Variants in SNAI3 observed in about 807,000 individuals in gnomAD.
The protein encoded by SNAI3 is zinc finger protein SNAI3.
SNAI3 carries 21 observed loss-of-function variants against 16.4 expected under a neutral mutation model. The ratio of observed to expected loss-of-function variants is 1.28; its 90% CI spans 0.91 to 1.85. The LOEUF is 1.85. Among genes scored for constraint, SNAI3 ranks in the 40% most tolerant of loss-of-function variants. The pLI, the probability that SNAI3 is intolerant of heterozygous loss-of-function variation, is 0.00. For missense variants in SNAI3, 457 were observed against 372.8 expected, an observed-to-expected ratio of 1.23 and a Z score of -1.86; for synonymous variants, 202 against 166.6, an observed-to-expected ratio of 1.21 and a Z score of -1.64.
rs1276471285 is a variant in SNAI3 at position 88,681,164 on chromosome 16, G to A, written c.627C>T (p.Cys209=). 3.1e-6 allele frequency: 5 copies of A among 1,613,754 alleles called. No individual in the cohort carries two copies. Among genetic ancestry groups the A allele is most frequent in the South Asian group, 1.1e-5 (1 of 91,080 alleles). Residue 209 remains cysteine (C), a synonymous_variant, in exon 2 of 3, where the codon TGC becomes TGT. Transcript: ENST00000332281. The surrounding 1 kb of genome is among the most constrained non-coding windows in gnomAD (Gnocchi z 5.4). ...AGGCCTTGCCACAGATCTTGCAGGT[G>A]CAGGGCAGCGTGTGAGTGCGGATGT... ...KMHIRTHTLP[C]TCKICGKAFS...
Position 88,681,296 on chromosome 16 carries a change from G to C in SNAI3, c.495C>G (p.Ala165=), listed in dbSNP as rs748615467. The C allele has an allele frequency of 6.2e-7, 1 of 1,613,306 alleles. No individual in the cohort carries two copies. The highest frequency in any genetic ancestry group is 8.5e-7 in the Non-Finnish European group (1 of 1,179,904). ...FHCHKPYHTL[A]GLARHRQLHC... ...GCAGCTGCCGGTGCCTGGCCAGCCC[G>C]GCCAGCGTGTGGTAGGGTTTGTGGC... The change falls in exon 2 of 3, where the codon GCC becomes GCG. Residue 165 remains alanine, a synonymous_variant. Transcript: ENST00000332281. This position sits in a 1 kb window ranked among gnomAD's most constrained non-coding sequence, Gnocchi z 5.4.
At position 88,681,547 on chromosome 16, in the gene SNAI3, C is replaced by G; in HGVS notation, c.244G>C (p.Ala82Pro). The G allele has an allele frequency of 6.6e-7, 1 of 1,513,362 alleles. No individual in the cohort carries two copies. The highest frequency in any genetic ancestry group is 2.3e-5 in the East Asian group (1 of 43,786). The allele number at this position is 1,513,362 out of a possible 1,614,324, so 93.7% of individuals were successfully genotyped here. The change falls in exon 2 of 3, where the codon GCC becomes CCC. Residue 82 changes from alanine (A) to proline (P), a missense_variant. Transcript: ENST00000332281. The surrounding 1 kb of genome is among the most constrained non-coding windows in gnomAD (Gnocchi z 5.4). ...LLPRIEEALGASGLDALEVSE... is the reference protein window; with the variant it reads ...LLPRIEEALGPSGLDALEVSE... ...ACTTCCAAGGCGTCCAGCCCAGAGG[C>G]CCCCAGAGCTTCCTCGATCCGTGGC...
Position 88,681,113 on chromosome 16 carries a change from G to A in SNAI3, c.678C>T (p.Gly226=), listed in dbSNP as rs778968766. The change falls in exon 2 of 3, where the codon GGC becomes GGT. Residue 226 remains glycine, a synonymous_variant. Transcript: ENST00000332281. This position sits in a 1 kb window ranked among gnomAD's most constrained non-coding sequence, Gnocchi z 5.4. ...TCCTACCTGTGTGGGTGCGGACATG[G>A]CCCTGCAGTAACCAGGGCCTGGAGA... ...KAFSRPWLLQ[G]HVRTHTGEKP... 3 of 1,612,838 alleles carry A rather than the reference G, an allele frequency of 1.9e-6. No homozygotes were observed. The highest frequency in any genetic ancestry group is 1.1e-5 in the South Asian group (1 of 91,048).
At chr16:88,679,106 T>G in intron 2 of SNAI3, 1 of 985,224 alleles carries the variant, frequency 1.0e-6, no homozygotes, top group Non-Finnish European at 1.2e-6. Flanking sequence ...TGACTGGGAA[T>G]CGTTTGTTCA....
chr16:88,678,302 G>A lies in SNAI3; in HGVS notation c.*146C>T, dbSNP rs1342809311. ...CCAGTGGCCCCCGCTGGACTTCTTT[G>A]GTTCTGATTGGACGCAGATGTGGAG... On this transcript the variant is annotated 3_prime_UTR_variant, in exon 3 of 3. Transcript: ENST00000332281. The A allele has an allele frequency of 8.5e-6, 5 of 587,142 alleles. No homozygotes were observed. Among genetic ancestry groups the A allele is most frequent in the African/African-American group, 1.9e-5 (1 of 53,258 alleles). The allele number at this position is 587,142 out of a possible 1,614,324, so 36.4% of individuals were successfully genotyped here. A position where few individuals can be genotyped will look rare whatever the true frequency, so the allele number is the denominator to read the frequency against.
chr16:88,679,606 C>CA (rs950286535), intron 2 of SNAI3, among the ~76,000 whole-genome samples: 5 of 149,528 alleles, frequency 3.3e-5, no homozygotes, highest in East Asian at 2.0e-4. Flanking sequence ...ACTAAAAACA[C>CA]AAAAAATCAG....
Position 88,681,325 on chromosome 16 carries a change from G to C in SNAI3, c.466C>G (p.His156Asp), listed in dbSNP as rs1410386432. 6.2e-7 allele frequency: 1 copy of C among 1,612,998 alleles called. No homozygotes were observed. Among genetic ancestry groups the C allele is most frequent in the African/African-American group, 1.3e-5 (1 of 74,938 alleles). ...PRAPGGFECF[H>D]CHKPYHTLAG... Reference sequence around the variant, plus strand: ...AGCGTGTGGTAGGGTTTGTGGCAGTGGAAGCACTCAAAGCCGCCCGGGGCT... The same window carrying C: ...AGCGTGTGGTAGGGTTTGTGGCAGTCGAAGCACTCAAAGCCGCCCGGGGCT... The change falls in exon 2 of 3, where the codon CAC becomes GAC. Residue 156 changes from histidine (H) to aspartate (D), a missense_variant. Transcript: ENST00000332281. The surrounding 1 kb of genome is among the most constrained non-coding windows in gnomAD (Gnocchi z 5.4).
In SNAI3 at chr16:88,681,180, G is replaced by A. The variant is rs557914224; in HGVS notation, c.611C>T (p.Thr204Ile). The A allele has an allele frequency of 5.6e-6, 9 of 1,613,900 alleles. No individual in the cohort carries two copies. The African/African-American group carries it at 6.7e-5, about 12-fold the overall frequency. ...SLGALKMHIR[T>I]HTLPCTCKIC... is the part of the protein sequence containing the mutation. ...CTTGCAGGTGCAGGGCAGCGTGTGA[G>A]TGCGGATGTGCATCTTGAGGGCACC... is the stretch of plus-strand genomic sequence containing the variant. Residue 204 changes from threonine to isoleucine, a missense_variant, in exon 2 of 3, where the codon ACT becomes ATT. Coordinates refer to ENST00000332281, the MANE Select transcript of SNAI3 (RefSeq NM_178310.4). The surrounding 1 kb of genome is among the most constrained non-coding windows in gnomAD (Gnocchi z 5.4).
intron 2 of SNAI3, among the ~76,000 whole-genome samples, chr16:88,679,496 T>TCA (rs774137324): frequency 3.6e-4 from 55 of 152,108 alleles, no homozygotes; most frequent in Non-Finnish European, 6.8e-4. Context: ...GCGCAGTGGC[T>TCA]CACACCTGTA....
intron 2 of SNAI3, among the ~76,000 whole-genome samples, chr16:88,679,880 G>C (rs1317399765): frequency 6.6e-6 from 1 of 151,704 alleles, no homozygotes; most frequent in Non-Finnish European, 1.5e-5. Context: ...AGAAGTTCAA[G>C]ACCAGCCTGG....
chr16:88,678,621 G>C lies in SNAI3; in HGVS notation c.706C>G (p.Pro236Ala), dbSNP rs779440628. The C allele has an allele frequency of 7.8e-7, 1 of 1,282,652 alleles. No homozygotes were observed. Among genetic ancestry groups the C allele is most frequent in the Non-Finnish European group, 1.1e-6 (1 of 883,050 alleles). The allele number at this position is 1,282,652 out of a possible 1,614,324, so 79.5% of individuals were successfully genotyped here. A position where few individuals can be genotyped will look rare whatever the true frequency, so the allele number is the denominator to read the frequency against. Residue 236 changes from proline (P) to alanine (A), a missense_variant, in exon 3 of 3, where the codon CCC (proline) becomes GCC (alanine). By Grantham distance (27) the Pro-to-Ala change is conservative. Transcript: ENST00000332281. ...GHVRTHTGEK[P>A]YACSHCSRAF... The stretch of plus-strand genomic sequence containing the variant: ...CTGCTGCAGTGCGAGCAGGCATAGG[G>C]CTTCTCCCCTGTGGGAGGAAGGCGG...
At chr16:88,679,563 C>T (rs1197832766) in intron 2 of SNAI3, among the ~76,000 whole-genome samples, 1 of 104,500 alleles carries the variant, frequency 9.6e-6, no homozygotes, top group Non-Finnish European at 2.0e-5. Context: ...AGATCGAGAC[C>T]ATCCTGGCTA....
In SNAI3 at chr16:88,678,101, C is replaced by T. The variant is rs72811438; in HGVS notation, c.*347G>A. 14,535 of 248,512 alleles carry T rather than the reference C, an allele frequency of 0.058. 557 individuals are homozygous for T. Among genetic ancestry groups the T allele is most frequent in the Admixed American group, 0.088 (1,664 of 19,008 alleles). 15.4% of individuals were successfully genotyped at this position (248,512 alleles called of 1,614,324 possible). On this transcript the variant is annotated 3_prime_UTR_variant, in exon 3 of 3. Coordinates refer to ENST00000332281, the MANE Select transcript of SNAI3 (RefSeq NM_178310.4). ...CTTGCCAGCCATCCGGCGGCAGTGCCGGCCCATGCTGGCGGCCACCTCCCC... is the reference window on the plus strand; with the variant it reads ...CTTGCCAGCCATCCGGCGGCAGTGCTGGCCCATGCTGGCGGCCACCTCCCC...
rs575285841 is a variant in SNAI3 at position 88,684,931 on chromosome 16, G to A, written c.76+1400C>T. Among the ~76,000 whole-genome samples the A allele has an allele frequency of 2.6e-5, 4 of 152,326 alleles. No homozygotes were observed. In the South Asian group the frequency reaches 8.3e-4, roughly 32 times the overall value. On this transcript the variant is annotated intron_variant, in intron 1 of 2. Transcript: ENST00000332281. The stretch of plus-strand genomic sequence containing the variant: ...TGGGGTAACATCTTGGCAGAAAGTT[G>A]CCAGGGCCCCCTGGCTGTCAGAAAG...
chr16:88,681,284 C>T lies in SNAI3; in HGVS notation c.507G>A (p.Arg169=). The change falls in exon 2 of 3, where the codon AGG becomes AGA. Residue 169 remains arginine (R), a synonymous_variant. Coordinates refer to ENST00000332281, the MANE Select transcript of SNAI3 (RefSeq NM_178310.4). The surrounding 1 kb of genome is among the most constrained non-coding windows in gnomAD (Gnocchi z 5.4). The part of the protein sequence containing the change: ...KPYHTLAGLA[R]HRQLHCHLQV... The stretch of plus-strand genomic sequence containing the variant: ...GCAGGTGGCAGTGCAGCTGCCGGTG[C>T]CTGGCCAGCCCGGCCAGCGTGTGGT... The T allele has an allele frequency of 6.2e-7, 1 of 1,613,318 alleles. No individual in the cohort carries two copies. Among genetic ancestry groups the T allele is most frequent in the South Asian group, 1.1e-5 (1 of 91,076 alleles).
chr16:88,679,078 C>G (rs768906781), intron 2 of SNAI3: 75 of 985,354 alleles, frequency 7.6e-5, no homozygotes, highest in Non-Finnish European at 8.3e-5. Context: ...CTTGGCCCAA[C>G]ACCTGTAAAG....
Position 88,681,827 on chromosome 16 carries a change from G to A in SNAI3, c.77-113C>T. 1 of 1,219,686 alleles carries A rather than the reference G, an allele frequency of 8.2e-7. No individual in the cohort carries two copies. Among genetic ancestry groups the A allele is most frequent in the Non-Finnish European group, 1.0e-6 (1 of 957,872 alleles). 75.6% of individuals were successfully genotyped at this position (1,219,686 alleles called of 1,614,324 possible). On this transcript the variant is annotated intron_variant, in intron 1 of 2. Transcript: ENST00000332281. This position sits in a 1 kb window ranked among gnomAD's most constrained non-coding sequence, Gnocchi z 5.4. ...ACAGCCCATCAGCAGCCTGGCGTGG[G>A]AGGTGTAGCCGGGAACCTGCATGCA...
Position 88,682,762 on chromosome 16 carries a change from A to ATTTTT in SNAI3, c.77-1053_77-1049dup, listed in dbSNP as rs71158747. 2.3e-3 allele frequency among the ~76,000 whole-genome samples: 139 copies of ATTTTT among 60,678 alleles called. 20 individuals carry two copies. Among genetic ancestry groups the ATTTTT allele is most frequent in the South Asian group, 2.8e-3 (3 of 1,076 alleles). 39.8% of individuals were successfully genotyped at this position (60,678 alleles called of 152,430 possible). ...AATACAATTTTAATATGGGCAAGGG[A>ATTTTT]TTTTTTTTTTTTTTTTTTTTTTTTT... On this transcript the variant is annotated intron_variant, in intron 1 of 2. Coordinates refer to ENST00000332281, the MANE Select transcript of SNAI3 (RefSeq NM_178310.4).
intron 2 of SNAI3, among the ~76,000 whole-genome samples, chr16:88,679,900 C>A (rs1020618307): frequency 6.6e-6 from 1 of 151,570 alleles, no homozygotes; most frequent in Non-Finnish European, 1.5e-5. Flanking sequence ...GGCAACATAG[C>A]GAGACCCCCG....
Sources: allele counts gnomAD v4.1 joint callset (sites outside exome capture counted in the v4.1 genomes callset), GRCh38; gene constraint gnomAD v4.1.1; non-coding constraint Gnocchi (gnomAD v3.1); transcripts MANE v1.5; gene names NCBI Gene and HGNC (gene_info 2026-07-23, HGNC 2026-07-21).